Variants in LRRC4C observed in about 807,000 individuals in gnomAD.
LRRC4C encodes leucine-rich repeat-containing protein 4C.
LRRC4C carries 5 observed loss-of-function variants against 33.6 expected under a neutral mutation model. That is an observed-to-expected ratio of 0.15 (90% CI 0.08 to 0.31). LRRC4C has a LOEUF of 0.31. Ranked by LOEUF, LRRC4C falls within the 10% of genes least tolerant of loss-of-function variation. The pLI is 1.00. For missense variants in LRRC4C, 560 were observed against 796.7 expected (o/e 0.70, Z 3.58); for synonymous variants, 329 against 302.0 (o/e 1.09, Z -0.93).
chr11:40,526,554 G>A (rs1956059222), intron 3 of LRRC4C, among the ~76,000 whole-genome samples: 2 of 152,022 alleles, frequency 1.3e-5, no homozygotes, highest in Admixed American at 1.3e-4. Context: ...CTGTTAAAAA[G>A]AACAGAAAAT....
chr11:41,109,582 C>G (rs1240385147), intron 1 of LRRC4C, among the ~76,000 whole-genome samples: 1 of 152,032 alleles, frequency 6.6e-6, no homozygotes, highest in Admixed American at 6.6e-5. Flanking sequence ...TCTTTACCGT[C>G]TCTAAATATC....
At chr11:40,619,138 T>C (rs762840163) in intron 3 of LRRC4C, among the ~76,000 whole-genome samples, 1 of 151,648 alleles carries the variant, frequency 6.6e-6, no homozygotes, top group African/African-American at 2.4e-5. Context: ...TGGTTACTAG[T>C]AGTGGGGGTT....
chr11:40,493,815 A>C (rs1403038407), intron 3 of LRRC4C, among the ~76,000 whole-genome samples: 1 of 152,124 alleles, frequency 6.6e-6, no homozygotes, highest in Non-Finnish European at 1.5e-5. Flanking sequence ...AGTTAGAAAG[A>C]CCAAATCATT....
intron 2 of LRRC4C, among the ~76,000 whole-genome samples, chr11:40,816,741 T>C (rs1254517179): frequency 1.3e-5 from 2 of 152,150 alleles, no homozygotes; most frequent in African/African-American, 2.4e-5. Flanking sequence ...ACTGGGAGAT[T>C]TCTAGGCTTA....
intron 2 of LRRC4C, among the ~76,000 whole-genome samples, chr11:40,924,244 T>G (rs1384239580): frequency 1.3e-5 from 2 of 151,532 alleles, no homozygotes; most frequent in African/African-American, 4.9e-5. Context: ...TGGAGTAAGG[T>G]GAGAGAATAA....
At chr11:40,624,177 C>T (rs1331665817) in intron 3 of LRRC4C, among the ~76,000 whole-genome samples, 1 of 152,072 alleles carries the variant, frequency 6.6e-6, no homozygotes, top group Non-Finnish European at 1.5e-5. Context: ...GTTAGAAGCA[C>T]ATTCTATGAT....
chr11:41,303,419 C>T (rs1950346577), intron 1 of LRRC4C, among the ~76,000 whole-genome samples: 1 of 130,794 alleles, frequency 7.6e-6, no homozygotes, highest in South Asian at 2.6e-4. Context: ...AGTGCAGGGG[C>T]GTGATCTCGG....
intron 1 of LRRC4C, among the ~76,000 whole-genome samples, chr11:41,343,822 A>C (rs1275833909): frequency 1.3e-5 from 2 of 152,208 alleles, no homozygotes; most frequent in South Asian, 4.1e-4. Flanking sequence ...AGTATTTAAG[A>C]AATAAGTCAA....
chr11:40,865,354 T>A (rs2135887862), intron 2 of LRRC4C, among the ~76,000 whole-genome samples: 1 of 152,110 alleles, frequency 6.6e-6, no homozygotes, highest in Non-Finnish European at 1.5e-5. Context: ...TACAGTTAGA[T>A]AGGAGGATGA....
At chr11:40,491,825 C>A (rs962168435) in intron 3 of LRRC4C, among the ~76,000 whole-genome samples, 2 of 152,122 alleles carry the variant, frequency 1.3e-5, no homozygotes, top group African/African-American at 4.8e-5. Context: ...TATCTCATCA[C>A]GTTCACAGTC....
chr11:40,668,487 A>G (rs919229847), intron 2 of LRRC4C, among the ~76,000 whole-genome samples: 3 of 152,206 alleles, frequency 2.0e-5, no homozygotes, highest in African/African-American at 7.2e-5. Context: ...TAAAGTTCGC[A>G]AGGGAAGAAG....
Position 41,261,186 on chromosome 11 carries a change from G to T in LRRC4C, c.-496+198245C>A, listed in dbSNP as rs192608306. Among the ~76,000 whole-genome samples, 13 of 152,066 alleles carry T rather than the reference G, an allele frequency of 8.5e-5. No individual in the cohort carries two copies. In the East Asian group the frequency reaches 2.5e-3, roughly 30 times the overall value. Reference sequence around the variant, plus strand: ...CCCTTTTGACAACCCTTACCCTTCTGCCAGGTGAGAACACTGCATTCACCT... The same window carrying T: ...CCCTTTTGACAACCCTTACCCTTCTTCCAGGTGAGAACACTGCATTCACCT... On this transcript the variant is annotated intron_variant, in intron 1 of 6. Transcript: ENST00000528697.
chr11:41,334,341 G>GT (rs1951384591), intron 1 of LRRC4C, among the ~76,000 whole-genome samples: 1 of 152,136 alleles, frequency 6.6e-6, no homozygotes, highest in Admixed American at 6.6e-5. Flanking sequence ...TCCAGTCAGT[G>GT]TTTTTTCATT....
rs984744127 is a variant in LRRC4C at position 40,324,346 on chromosome 11, A to G, written c.-269-4625T>C. Among the ~76,000 whole-genome samples the G allele has an allele frequency of 1.2e-4, 18 of 152,206 alleles. 1 individual carries two copies. The highest frequency in any genetic ancestry group is 4.1e-4 in the African/African-American group (17 of 41,450). On this transcript the variant is annotated intron_variant, in intron 3 of 6. Transcript: ENST00000528697. ...AAAGGTGAGCAGTTTTTTTTGTCAGATGTCAAAAGAGGCCTTAGTAAATCC... is the reference window on the plus strand; with the variant it reads ...AAAGGTGAGCAGTTTTTTTTGTCAGGTGTCAAAAGAGGCCTTAGTAAATCC...
At chr11:40,591,271 C>T (rs1156617455) in intron 3 of LRRC4C, among the ~76,000 whole-genome samples, 1 of 152,164 alleles carries the variant, frequency 6.6e-6, no homozygotes, top group Non-Finnish European at 1.5e-5. Flanking sequence ...CTTTCTTTGA[C>T]TAGGAAAGGG....
chr11:40,602,348 G>C (rs530375528), intron 3 of LRRC4C, among the ~76,000 whole-genome samples: 14 of 152,272 alleles, frequency 9.2e-5, no homozygotes, highest in African/African-American at 3.4e-4. Context: ...TGAAGTCCTA[G>C]TTGGAGATGA....
chr11:40,506,019 C>G (rs917751943), intron 3 of LRRC4C, among the ~76,000 whole-genome samples: 2 of 152,056 alleles, frequency 1.3e-5, no homozygotes, highest in African/African-American at 4.8e-5. Flanking sequence ...ATAGTGAATT[C>G]AAGGTTCAAA....
At position 40,431,797 on chromosome 11, in the gene LRRC4C, A is replaced by G. The variant is rs11035837; in HGVS notation, c.-269-112076T>C. ...CTTGAGCATGTGATGTCCATTTTGC[A>G]ATGACACAAAATTGAATATGTGTAG... On this transcript the variant is annotated intron_variant, in intron 3 of 6. Transcript: ENST00000528697. 5.9e-3 allele frequency among the ~76,000 whole-genome samples: 903 copies of G among 152,312 alleles called. 20 individuals are homozygous for G. Among genetic ancestry groups the G allele is most frequent in the East Asian group, 0.045 (234 of 5,172 alleles).
chr11:40,938,855 T>C (rs1306701920), intron 1 of LRRC4C, among the ~76,000 whole-genome samples: 1 of 152,198 alleles, frequency 6.6e-6, no homozygotes, highest in Non-Finnish European at 1.5e-5. Context: ...AATGTAATGG[T>C]TCTGTCTTGC....
Sources: allele counts gnomAD v4.1 joint callset (sites outside exome capture counted in the v4.1 genomes callset), GRCh38; gene constraint gnomAD v4.1.1; transcripts MANE v1.5; gene names NCBI Gene and HGNC (gene_info 2026-07-23, HGNC 2026-07-21).